BNC2: variants seen among roughly 807,000 people sequenced by gnomAD.
The protein encoded by BNC2 is zinc finger protein basonuclin-2.
BNC2 carries 20 observed loss-of-function variants against 76.3 expected under a neutral mutation model. The observed-to-expected ratio is 0.26, with a 90% CI of 0.18 to 0.38. The LOEUF (loss-of-function observed/expected upper bound fraction) is 0.38. Among genes scored for constraint, BNC2 ranks in the 10% least tolerant of loss-of-function variants. BNC2 has a pLI of 1.00. For synonymous variants in BNC2, 582 were observed against 514.8 expected (o/e 1.13, Z -1.77); for missense variants, 1,382 against 1,399.8 (o/e 0.99, Z 0.20).
intron 6 of BNC2, among the ~76,000 whole-genome samples, chr9:16,434,018 T>G (rs771795333): frequency 7.2e-5 from 11 of 152,182 alleles, no homozygotes; most frequent in Non-Finnish European, 1.5e-4. Context: ...TCTTATCTGA[T>G]GCATTCTGGG....
chr9:16,419,810 A>C (rs911992184), intron 6 of BNC2, among the ~76,000 whole-genome samples, 161 bp from the exon 7 acceptor site: 3 of 152,298 alleles, frequency 2.0e-5, no homozygotes, highest in Admixed American at 1.3e-4. Flanking sequence ...CTATATCCTC[A>C]GGATCTGGGA....
At position 16,727,709 on chromosome 9, in the gene BNC2, A is replaced by G. The variant is rs2134988027; in HGVS notation, c.330+88T>C. 3 of 1,187,030 alleles carry G rather than the reference A, an allele frequency of 2.5e-6. 1 individual carries two copies. Among genetic ancestry groups the G allele is most frequent in the South Asian group, 2.7e-5 (2 of 73,048 alleles). 73.5% of individuals were successfully genotyped at this position (1,187,030 alleles called of 1,614,324 possible). A position where few individuals can be genotyped will look rare whatever the true frequency, so the allele number is the denominator to read the frequency against. ...GACCACATTTTAAAAAGTATTTAGA[A>G]AGAAAAACACCAGAAACAAAAGTGC... is the stretch of plus-strand genomic sequence containing the variant. On this transcript the variant is annotated intron_variant, in intron 3 of 6. Transcript: ENST00000380672.
intron 3 of BNC2, among the ~76,000 whole-genome samples, chr9:16,616,392 G>A (rs1297902369): frequency 2.0e-5 from 3 of 147,848 alleles, no homozygotes; most frequent in African/African-American, 7.5e-5. Flanking sequence ...ACCCTGTCTC[G>A]CAAAATAAAA....
At chr9:16,515,011 A>G (rs922468644) in intron 5 of BNC2, among the ~76,000 whole-genome samples, 9 of 152,248 alleles carry the variant, frequency 5.9e-5, no homozygotes, top group Non-Finnish European at 1.2e-4. Context: ...ACACTGACCC[A>G]GAAGGGAACA....
At chr9:16,520,967 T>C (rs1428716649) in intron 5 of BNC2, among the ~76,000 whole-genome samples, 1 of 152,184 alleles carries the variant, frequency 6.6e-6, no homozygotes, top group African/African-American at 2.4e-5. Context: ...CTAATATTAG[T>C]ATTTTACTCC....
At chr9:16,691,611 G>C (rs1389353349) in intron 3 of BNC2, among the ~76,000 whole-genome samples, 8 of 148,142 alleles carry the variant, frequency 5.4e-5, no homozygotes, top group African/African-American at 2.0e-4. Flanking sequence ...CTGGGTTCAA[G>C]CGATTCTTCT....
chr9:16,846,025 C>G (rs1360386892), intron 1 of BNC2, among the ~76,000 whole-genome samples: 1 of 150,896 alleles, frequency 6.6e-6, no homozygotes, highest in Non-Finnish European at 1.5e-5. Flanking sequence ...TGGCGGGCAC[C>G]TGCAGTCCGG....
Position 16,837,428 on chromosome 9 carries a change from T to C in BNC2, c.3+33218A>G, listed in dbSNP as rs571159004. On this transcript the variant is annotated intron_variant, in intron 1 of 6. Coordinates refer to ENST00000380672, the MANE Select transcript of BNC2 (RefSeq NM_017637.6). ...CTGAGGCAGGAGAATCACTTGAACCTTGCAGGCAGAGGTTGCAGAGAGCTG... is the reference window on the plus strand; with the variant it reads ...CTGAGGCAGGAGAATCACTTGAACCCTGCAGGCAGAGGTTGCAGAGAGCTG... Among the ~76,000 whole-genome samples, 7 of 152,204 alleles carry C rather than the reference T, an allele frequency of 4.6e-5. No homozygotes were observed. The South Asian group carries it at 1.5e-3, about 32-fold the overall frequency.
At chr9:16,835,236 CTGAT>C (rs928355108) in intron 1 of BNC2, among the ~76,000 whole-genome samples, 4 of 152,224 alleles carry the variant, frequency 2.6e-5, no homozygotes, top group Non-Finnish European at 5.9e-5. Flanking sequence ...ACTTTAACAA[CTGAT>C]TGATCTTCAA....
chr9:16,658,284 G>GACAC (rs398073454), intron 3 of BNC2, among the ~76,000 whole-genome samples: 8 of 151,850 alleles, frequency 5.3e-5, no homozygotes, highest in African/African-American at 1.9e-4. Context: ...CATGGAAACA[G>GACAC]CTATAAGGCT....
At chr9:16,818,529 C>A (rs1484957698) in intron 1 of BNC2, among the ~76,000 whole-genome samples, 1 of 152,162 alleles carries the variant, frequency 6.6e-6, no homozygotes, top group African/African-American at 2.4e-5. Flanking sequence ...GATGACATTT[C>A]GATCACAGGC....
At chr9:16,781,747 T>C in intron 1 of BNC2, among the ~76,000 whole-genome samples, 1 of 152,192 alleles carries the variant, frequency 6.6e-6, no homozygotes, top group Non-Finnish European at 1.5e-5. Context: ...AAATGATGTA[T>C]AAATGAATAA....
intron 3 of BNC2, among the ~76,000 whole-genome samples, chr9:16,693,459 T>G (rs774647841): frequency 5.3e-5 from 8 of 152,068 alleles, no homozygotes; most frequent in Non-Finnish European, 8.8e-5. Context: ...TGAAACTCAT[T>G]TGCATGCCCC....
intron 1 of BNC2, among the ~76,000 whole-genome samples, chr9:16,786,305 G>A (rs10756812): frequency 0.46 from 70,086 of 151,990 alleles, 21,707 homozygotes; most frequent in Non-Finnish European, 0.69. Flanking sequence ...AGAAAATGTG[G>A]AGAAAGACTG....
rs559593137 is a variant in BNC2 at position 16,659,540 on chromosome 9, G to A, written c.330+68257C>T. Among the ~76,000 whole-genome samples, 26 of 150,846 alleles carry A rather than the reference G, an allele frequency of 1.7e-4. No individual in the cohort carries two copies. In the East Asian group the frequency reaches 1.8e-3, roughly 10 times the overall value. On this transcript the variant is annotated intron_variant, in intron 3 of 6. Coordinates refer to ENST00000380672, the MANE Select transcript of BNC2 (RefSeq NM_017637.6). Reference sequence around the variant, plus strand: ...GGAGAATCGCTTGAACCCAGGAGGCGGAAATTGAAGTTAGCCGAGATTGCA... The same window carrying A: ...GGAGAATCGCTTGAACCCAGGAGGCAGAAATTGAAGTTAGCCGAGATTGCA...
intron 3 of BNC2, chr9:16,626,252 T>C (rs889595975): frequency 6.6e-6 from 1 of 152,188 alleles, no homozygotes; most frequent in African/African-American, 2.4e-5. Flanking sequence ...GTGTAAAGCA[T>C]TCCTGAAGCT....
chr9:16,786,967 T>TA (rs1334763291), intron 1 of BNC2, among the ~76,000 whole-genome samples: 1 of 152,182 alleles, frequency 6.6e-6, no homozygotes, highest in Non-Finnish European at 1.5e-5. Context: ...AATCAGTGAT[T>TA]AAACAGGACA....
chr9:16,435,960 T>A lies in BNC2; in HGVS notation c.2234A>T (p.His745Leu). 1 of 1,614,164 alleles carries A rather than the reference T, an allele frequency of 6.2e-7. No individual in the cohort carries two copies. The highest frequency in any genetic ancestry group is 8.5e-7 in the Non-Finnish European group (1 of 1,180,034). Residue 745 changes from histidine (H) to leucine (L), a missense_variant, in exon 6 of 7, where the codon CAC (histidine) becomes CTC (leucine). Physicochemically the swap from His to Leu is moderately conservative, Grantham distance 99. Around this residue, in one of 3 missense-constraint regions of BNC2, gnomAD observed 798 missense variants for 775.5 expected, o/e 1.03. Coordinates refer to ENST00000380672, the MANE Select transcript of BNC2 (RefSeq NM_017637.6). ...CAGGACTTTTTCACTCACTTCGCTG[T>A]GAATGTGCTCATCCCCTTCCATGGA... is the stretch of plus-strand genomic sequence containing the variant. ...EESMEGDEHI[H>L]SEVSEKVLMN...
At chr9:16,558,906 C>T (rs1255193487) in intron 4 of BNC2, among the ~76,000 whole-genome samples, 1 of 147,302 alleles carries the variant, frequency 6.8e-6, no homozygotes, top group Non-Finnish European at 1.5e-5. Context: ...TGCACTCCAG[C>T]CTGGGTGACA....
Sources: allele counts gnomAD v4.1 joint callset (sites outside exome capture counted in the v4.1 genomes callset), GRCh38; gene constraint gnomAD v4.1.1; regional missense constraint gnomAD v4.1.1; transcripts MANE v1.5; gene names NCBI Gene and HGNC (gene_info 2026-07-23, HGNC 2026-07-21).